SGCZ: variants seen among roughly 807,000 people sequenced by gnomAD.
SGCZ encodes the protein sarcoglycan zeta, also known as zeta-sarcoglycan.
SGCZ carries 40 observed loss-of-function variants against 41.3 expected under a neutral mutation model. The ratio of observed to expected loss-of-function variants is 0.97; its 90% CI spans 0.75 to 1.26. The LOEUF (loss-of-function observed/expected upper bound fraction) is 1.26. Among genes scored for constraint, SGCZ ranks in the 50% most tolerant of loss-of-function variants. SGCZ has a pLI of 0.00. For missense variants in SGCZ, 552 were observed against 369.8 expected (o/e 1.49, Z -4.04); for synonymous variants, 206 against 137.5 (o/e 1.50, Z -3.49).
intron 1 of SGCZ, among the ~76,000 whole-genome samples, chr8:14,588,278 G>C (rs1275567162): frequency 6.6e-6 from 1 of 150,920 alleles, no homozygotes; most frequent in Non-Finnish European, 1.5e-5. Flanking sequence ...ATAAAATCAA[G>C]ATTTCAGGAA....
At chr8:15,199,211 C>G (rs540761621) in intron 1 of SGCZ, among the ~76,000 whole-genome samples, 8 of 152,150 alleles carry the variant, frequency 5.3e-5, no homozygotes, top group South Asian at 4.1e-4. Flanking sequence ...TCTTCATTAA[C>G]TTAACAAACA....
intron 1 of SGCZ, among the ~76,000 whole-genome samples, chr8:15,060,120 A>G (rs1355870407): frequency 5.3e-5 from 8 of 152,110 alleles, no homozygotes; most frequent in African/African-American, 1.7e-4. Flanking sequence ...GTGTTTCCTC[A>G]GGGATCTAGA....
intron 1 of SGCZ, among the ~76,000 whole-genome samples, chr8:14,847,390 G>A (rs193259860): frequency 1.2e-4 from 18 of 151,984 alleles, no homozygotes; most frequent in Middle Eastern, 3.4e-3. Context: ...AGTAAATTCA[G>A]TCCATCAAAC....
intron 1 of SGCZ, among the ~76,000 whole-genome samples, chr8:15,223,281 G>A (rs768110668): frequency 3.3e-5 from 5 of 152,282 alleles, no homozygotes; most frequent in Non-Finnish European, 7.3e-5. Flanking sequence ...TCAACTACAT[G>A]ATAGAAAGTT....
intron 2 of SGCZ, among the ~76,000 whole-genome samples, chr8:14,498,627 T>C (rs1802060744): frequency 6.6e-6 from 1 of 152,072 alleles, no homozygotes; most frequent in African/African-American, 2.4e-5. Context: ...CCTTTTAACT[T>C]TTTCTACATT....
intron 5 of SGCZ, among the ~76,000 whole-genome samples, chr8:14,125,890 A>G (rs556973902): frequency 1.6e-4 from 25 of 152,358 alleles, no homozygotes; most frequent in Non-Finnish European, 2.8e-4. Flanking sequence ...TCCCTATTCA[A>G]TAAATGGTTG....
At chr8:14,159,635 T>G (rs1375183055) in intron 5 of SGCZ, among the ~76,000 whole-genome samples, 1 of 152,116 alleles carries the variant, frequency 6.6e-6, no homozygotes, top group Non-Finnish European at 1.5e-5. Context: ...GCAGAGAAAA[T>G]GAAGTGATTG....
At chr8:15,177,239 T>C (rs1027064108) in intron 1 of SGCZ, among the ~76,000 whole-genome samples, 5 of 151,956 alleles carry the variant, frequency 3.3e-5, no homozygotes, top group African/African-American at 1.2e-4. Context: ...ATATGACAAA[T>C]AAAGGGCATT....
chr8:15,172,139 T>A (rs1799850035), intron 1 of SGCZ, among the ~76,000 whole-genome samples: 1 of 129,476 alleles, frequency 7.7e-6, no homozygotes, highest in Non-Finnish European at 1.7e-5. Context: ...AGGAAAAAAA[T>A]GCCTTTTATA....
chr8:15,015,410 A>T (rs1802987508), intron 1 of SGCZ, among the ~76,000 whole-genome samples: 1 of 151,978 alleles, frequency 6.6e-6, no homozygotes, highest in Non-Finnish European at 1.5e-5. Flanking sequence ...TACTTGAAAC[A>T]TACACGTGGC....
At chr8:15,155,084 G>A (rs926641025) in intron 1 of SGCZ, among the ~76,000 whole-genome samples, 1 of 152,124 alleles carries the variant, frequency 6.6e-6, no homozygotes. Flanking sequence ...TTGAGCCCAG[G>A]AGTTCGAGAC....
intron 1 of SGCZ, among the ~76,000 whole-genome samples, chr8:15,102,238 C>G (rs1480513184): frequency 6.6e-6 from 1 of 152,076 alleles, no homozygotes; most frequent in East Asian, 1.9e-4. Context: ...AATTAGCTTC[C>G]AAGCCATGGA....
chr8:14,542,226 T>C (rs1263863783), intron 2 of SGCZ, among the ~76,000 whole-genome samples: 1 of 152,106 alleles, frequency 6.6e-6, no homozygotes, highest in African/African-American at 2.4e-5. Context: ...TCCTGAATGG[T>C]ATTGCCTAGG....
intron 1 of SGCZ, among the ~76,000 whole-genome samples, chr8:14,998,210 C>T (rs891272499): frequency 9.2e-5 from 14 of 152,270 alleles, no homozygotes; most frequent in African/African-American, 3.4e-4. Flanking sequence ...AACATCTGTA[C>T]ATAAACATCT....
chr8:14,304,641 C>T (rs898376219), intron 3 of SGCZ, among the ~76,000 whole-genome samples: 5 of 152,050 alleles, frequency 3.3e-5, no homozygotes, highest in Non-Finnish European at 5.9e-5. Flanking sequence ...AAATAAATAT[C>T]GCTCAGGTTT....
intron 1 of SGCZ, among the ~76,000 whole-genome samples, chr8:14,670,635 T>C (rs1335476838): frequency 1.3e-5 from 2 of 152,176 alleles, no homozygotes; most frequent in African/African-American, 4.8e-5. Context: ...TACATTTAAA[T>C]TGGAACACAA....
intron 1 of SGCZ, among the ~76,000 whole-genome samples, chr8:15,009,184 G>T (rs1013373640): frequency 6.6e-6 from 1 of 152,184 alleles, no homozygotes; most frequent in African/African-American, 2.4e-5. Context: ...GACTGTACAG[G>T]AAGCATGGCT....
chr8:14,937,655 T>C (rs1287233154), intron 1 of SGCZ, among the ~76,000 whole-genome samples: 4 of 152,144 alleles, frequency 2.6e-5, no homozygotes, highest in Admixed American at 2.0e-4. Context: ...AAAATCTCTT[T>C]CATTACAATA....
intron 1 of SGCZ, among the ~76,000 whole-genome samples, chr8:14,667,878 GAC>G (rs757258062): frequency 4.1e-4 from 62 of 152,120 alleles, no homozygotes; most frequent in Non-Finnish European, 7.2e-4. Context: ...TATACATGAG[GAC>G]CTCAGCTCTC....
Sources: gnomAD v4.1 joint callset for allele counts (sites outside exome capture counted in the v4.1 genomes callset) on GRCh38, gnomAD v4.1.1 for gene constraint, MANE v1.5 for transcripts, NCBI Gene and HGNC (gene_info 2026-07-23, HGNC 2026-07-21) for gene names.